NTRK2: variants seen among roughly 807,000 people sequenced by gnomAD.
The protein encoded by NTRK2 is BDNF/NT-3 growth factors receptor.
Under a neutral mutation model 94.5 loss-of-function variants are expected in NTRK2, and 13 were observed. The observed-to-expected ratio is 0.14, with a 90% confidence interval of 0.09 to 0.22. The LOEUF (loss-of-function observed/expected upper bound fraction) is 0.22, where lower values mean the gene tolerates loss of function less well. NTRK2 is among the 10% of genes least tolerant of loss of function. The pLI, the probability that NTRK2 is intolerant of heterozygous loss-of-function variation, is 1.00. For synonymous variants in NTRK2, 372 were observed against 407.4 expected, an observed-to-expected ratio of 0.91 and a Z score of 1.05; for missense variants, 639 against 1,071.2, an observed-to-expected ratio of 0.60 and a Z score of 5.63.
intron 13 of NTRK2, among the ~76,000 whole-genome samples, chr9:84,865,356 T>C (rs984157808): frequency 6.6e-6 from 1 of 152,172 alleles, no homozygotes; most frequent in African/African-American, 2.4e-5. Flanking sequence ...AAAAATTACC[T>C]ATAATAAGAG....
At chr9:84,722,241 G>T (rs200278817) in intron 6 of NTRK2, among the ~76,000 whole-genome samples, 1 of 146,234 alleles carries the variant, frequency 6.8e-6, no homozygotes, top group Non-Finnish European at 1.5e-5. Context: ...GGAAGGAAGA[G>T]TTTGGAAGGG....
At chr9:84,775,173 C>G (rs1183501321) in intron 12 of NTRK2, among the ~76,000 whole-genome samples, 1 of 152,204 alleles carries the variant, frequency 6.6e-6, no homozygotes, top group Non-Finnish European at 1.5e-5. Flanking sequence ...GCCCTAACAC[C>G]AAGATGTGGG....
At chr9:84,683,163 T>C (rs1457284222) in intron 2 of NTRK2, among the ~76,000 whole-genome samples, 1 of 152,208 alleles carries the variant, frequency 6.6e-6, no homozygotes, top group African/African-American at 2.4e-5. Flanking sequence ...GATTTGTGTG[T>C]GTGTGTGTGT....
chr9:84,700,214 G>A (rs930042998), intron 2 of NTRK2, among the ~76,000 whole-genome samples: 2 of 152,134 alleles, frequency 1.3e-5, no homozygotes, highest in East Asian at 3.8e-4. Flanking sequence ...AAAATTCAGG[G>A]CTCTTTAGAA....
chr9:84,760,343 A>G (rs986329852), intron 12 of NTRK2, among the ~76,000 whole-genome samples: 1 of 152,196 alleles, frequency 6.6e-6, no homozygotes, highest in African/African-American at 2.4e-5. Context: ...TTTCAGATTT[A>G]TGTTTTAGTA....
intron 17 of NTRK2, among the ~76,000 whole-genome samples, chr9:84,962,755 A>G (rs542059508): frequency 3.3e-5 from 5 of 152,276 alleles, no homozygotes; most frequent in African/African-American, 1.2e-4. Flanking sequence ...CCTCACTCAG[A>G]CCAGAGCCTC....
Position 85,025,657 on chromosome 9 carries a change from T to TA in NTRK2, c.*4221dup. 2 of 233,216 alleles carry TA rather than the reference T, an allele frequency of 8.6e-6. No homozygotes were observed. Among genetic ancestry groups the TA allele is most frequent in the Non-Finnish European group, 1.7e-5 (2 of 117,998 alleles). 14.4% of individuals were successfully genotyped at this position (233,216 alleles called of 1,614,324 possible). On this transcript the variant is annotated 3_prime_UTR_variant, in exon 19 of 19. Transcript: ENST00000277120. Reference sequence around the variant, plus strand: ...AAATAAATGACTGCATATACACACATACCCTCAATTCTCTTGCTTCCCCAT... The same window carrying TA: ...AAATAAATGACTGCATATACACACATAACCCTCAATTCTCTTGCTTCCCCAT...
chr9:84,727,849 A>G lies in NTRK2; in HGVS notation c.1049A>G (p.Asn350Ser). ...TEYHGCLQLD[N>S]PTHMNNGDYT... ...TACCACGGCTGCCTCCAGCTGGATA[A>G]TCCCACTCACATGAACAATGGGGAC... Residue 350 changes from asparagine (N) to serine (S), a missense_variant, in exon 9 of 19, where the codon AAT (asparagine) becomes AGT (serine). This residue lies in a region of NTRK2 where 343 missense variants were observed against 571.5 expected (regional missense o/e 0.60). Coordinates refer to ENST00000277120, the MANE Select transcript of NTRK2 (RefSeq NM_006180.6). 1.2e-6 allele frequency: 2 copies of G among 1,614,202 alleles called. No individual in the cohort carries two copies. The highest frequency in any genetic ancestry group is 2.2e-5 in the South Asian group (2 of 91,086).
chr9:84,866,852 A>G (rs73474499), intron 13 of NTRK2, among the ~76,000 whole-genome samples: 4,259 of 152,350 alleles, frequency 0.028, 230 homozygotes, highest in African/African-American at 0.097. Context: ...AACATGCAAC[A>G]TATCCACACA....
chr9:84,791,393 T>TTA (rs2068717435), intron 12 of NTRK2, among the ~76,000 whole-genome samples: 5 of 152,194 alleles, frequency 3.3e-5, no homozygotes, highest in African/African-American at 1.2e-4. Context: ...ATGAGTCAAC[T>TTA]GACTATTGTC....
chr9:84,702,112 C>T, intron 2 of NTRK2, 47 bp from the exon 3 acceptor site: 1 of 1,553,926 alleles, frequency 6.4e-7, no homozygotes, highest in Non-Finnish European at 8.9e-7. Context: ...CATGGTGCTG[C>T]TGCCTACATT....
intron 17 of NTRK2, among the ~76,000 whole-genome samples, chr9:85,000,445 G>A (rs1830215426): frequency 6.6e-6 from 1 of 152,032 alleles, no homozygotes. Flanking sequence ...TTTTTTTACT[G>A]TCTCCGTCGT....
intron 2 of NTRK2, among the ~76,000 whole-genome samples, chr9:84,682,888 C>T (rs2059479712): frequency 6.6e-6 from 1 of 152,212 alleles, no homozygotes; most frequent in Non-Finnish European, 1.5e-5. Context: ...CAGAAATCCA[C>T]TGGATGAATA....
intron 17 of NTRK2, among the ~76,000 whole-genome samples, chr9:85,009,921 G>A (rs1831377378): frequency 6.6e-6 from 1 of 152,210 alleles, no homozygotes; most frequent in African/African-American, 2.4e-5. Flanking sequence ...TGAGAGGAAA[G>A]AAGAACTTAC....
chr9:84,843,184 T>G (rs563323026), intron 12 of NTRK2, among the ~76,000 whole-genome samples: 18 of 152,248 alleles, frequency 1.2e-4, no homozygotes, highest in African/African-American at 4.1e-4. Flanking sequence ...TGGCACACAG[T>G]AGGTTTTCAA....
At chr9:84,965,718 C>G (rs906007142) in intron 17 of NTRK2, among the ~76,000 whole-genome samples, 10 of 152,122 alleles carry the variant, frequency 6.6e-5, no homozygotes, top group Non-Finnish European at 5.9e-5. Context: ...AAGGAGCTTC[C>G]AAGAAAGATT....
intron 12 of NTRK2, among the ~76,000 whole-genome samples, chr9:84,754,353 C>T (rs542596122): frequency 4.6e-5 from 7 of 151,166 alleles, no homozygotes; most frequent in Non-Finnish European, 1.0e-4. Flanking sequence ...ACATGTCTAT[C>T]TGGGGCATGA....
At chr9:84,766,152 T>G (rs1292803856) in intron 12 of NTRK2, among the ~76,000 whole-genome samples, 1 of 152,066 alleles carries the variant, frequency 6.6e-6, no homozygotes. Context: ...GGCTTTGCTG[T>G]GTTTAAATAG....
Position 84,831,601 on chromosome 9 carries a change from A to G in NTRK2, c.1397-29439A>G, listed in dbSNP as rs1564363965. On this transcript the variant is annotated intron_variant, in intron 12 of 18. Transcript: ENST00000277120. ...ACATTCCTGTGAGGTAGATACCACCATTATCCCCATCCAGAGAAAGAAAGT... is the reference window on the plus strand; with the variant it reads ...ACATTCCTGTGAGGTAGATACCACCGTTATCCCCATCCAGAGAAAGAAAGT... Among the ~76,000 whole-genome samples the G allele has an allele frequency of 3.9e-5, 6 of 152,350 alleles. 1 individual carries two copies. The highest frequency in any genetic ancestry group is 6.8e-3 in the Middle Eastern group (2 of 294).
Sources: gnomAD v4.1 joint callset for allele counts (sites outside exome capture counted in the v4.1 genomes callset) on GRCh38, gnomAD v4.1.1 for gene constraint, gnomAD v4.1.1 regional missense constraint, MANE v1.5 for transcripts, NCBI Gene and HGNC (gene_info 2026-07-23, HGNC 2026-07-21) for gene names.